LYPD5: variants seen among roughly 807,000 people sequenced by gnomAD.
LYPD5 encodes the protein ly6/PLAUR domain-containing protein 5.
LYPD5 carries 21 observed loss-of-function variants against 19.1 expected under a neutral mutation model. The ratio of observed to expected loss-of-function variants is 1.10; its 90% CI spans 0.78 to 1.58. The LOEUF is 1.58. Among genes scored for constraint, LYPD5 ranks in the 40% most tolerant of loss-of-function variants. The pLI is 0.00. For missense variants in LYPD5, 287 were observed against 329.8 expected (o/e 0.87, Z 1.00); for synonymous variants, 128 against 142.7 (o/e 0.90, Z 0.74).
At chr19:43,802,641 G>A (rs1008291315), upstream of LYPD5, among the ~76,000 whole-genome samples, 4 of 152,078 alleles carry the variant, frequency 2.6e-5, no homozygotes, top group East Asian at 7.7e-4. Flanking sequence ...TTGGTGTCTT[G>A]TTGGCCTTCT....
chr19:43,813,382 G>A (rs1183389728), intron 1 of LYPD5, among the ~76,000 whole-genome samples: 1 of 152,174 alleles, frequency 6.6e-6, no homozygotes, highest in Non-Finnish European at 1.5e-5. Flanking sequence ...ATGATTGTAA[G>A]CTTCCTGAGG....
chr19:43,799,934 C>T, intron 1 of LYPD5, 100 bp from the exon 2 acceptor site: 1 of 1,391,544 alleles, frequency 7.2e-7, no homozygotes, highest in South Asian at 1.5e-5. Flanking sequence ...GGCCTGGCCC[C>T]TCTGCTCCCA....
intron 1 of LYPD5, among the ~76,000 whole-genome samples, chr19:43,816,602 A>C (rs1032169042): frequency 2.0e-5 from 3 of 152,242 alleles, no homozygotes; most frequent in Admixed American, 2.0e-4. Flanking sequence ...AACTCCAGTA[A>C]AGATGTCACA....
intron 1 of LYPD5, among the ~76,000 whole-genome samples, chr19:43,812,402 A>G (rs1228894457): frequency 6.6e-6 from 1 of 151,686 alleles, no homozygotes; most frequent in Non-Finnish European, 1.5e-5. Context: ...CTATCCATCC[A>G]TCCAGCTATC....
Position 43,802,358 on chromosome 19 carries a change from A to T in LYPD5, c.23T>A (p.Val8Asp). The T allele has an allele frequency of 1.3e-6, 2 of 1,551,362 alleles. No individual in the cohort carries two copies. Among genetic ancestry groups the T allele is most frequent in the Non-Finnish European group, 1.7e-6 (2 of 1,146,876 alleles). The change falls in exon 1 of 5, where the codon GTC (valine) becomes GAC (aspartate). Residue 8 changes from valine to aspartate, a missense_variant. By Grantham distance (152) the Val-to-Asp change is radical. Coordinates refer to ENST00000377950, the MANE Select transcript of LYPD5 (RefSeq NM_001031749.3). MAMGVPR[V>D]ILLCLFGAAL... The stretch of plus-strand genomic sequence containing the variant: ...AGCCCCAAAGAGGCAGAGCAGAATG[A>T]CTCTGGGGACCCCCATTGCCATTGC...
chr19:43,816,531 C>G (rs1970377461), intron 1 of LYPD5, among the ~76,000 whole-genome samples: 1 of 152,160 alleles, frequency 6.6e-6, no homozygotes, highest in African/African-American at 2.4e-5. Context: ...TGTCAGAGAT[C>G]AAGTAAAATA....
upstream of LYPD5, among the ~76,000 whole-genome samples, chr19:43,804,608 C>T (rs1970255449): frequency 2.6e-5 from 4 of 152,236 alleles, no homozygotes; most frequent in Admixed American, 1.3e-4. Context: ...TGGACACTCA[C>T]CAAACTATGT....
upstream of LYPD5, among the ~76,000 whole-genome samples, chr19:43,804,247 A>G (rs1377661121): frequency 2.6e-5 from 4 of 152,082 alleles, no homozygotes; most frequent in Non-Finnish European, 5.9e-5. Flanking sequence ...GAAATCATCA[A>G]GGGAGATAGC....
chr19:43,817,634 T>C (rs954672559), intron 1 of LYPD5, among the ~76,000 whole-genome samples: 1 of 152,180 alleles, frequency 6.6e-6, no homozygotes, highest in Admixed American at 6.5e-5. Flanking sequence ...ATTTTGATGA[T>C]GATGCAATCT....
chr19:43,799,811 TGTA>T lies in LYPD5; in HGVS notation c.85_87del (p.Tyr29del), dbSNP rs1970198881. 1 of 1,613,168 alleles carries T rather than the reference TGTA, an allele frequency of 6.2e-7. No individual in the cohort carries two copies. The highest frequency in any genetic ancestry group is 8.5e-7 in the Non-Finnish European group (1 of 1,179,700). On this transcript the variant is annotated inframe_deletion, in exon 2 of 5. Coordinates refer to ENST00000377950, the MANE Select transcript of LYPD5 (RefSeq NM_001031749.3). Reference sequence around the variant, plus strand: ...GGGCCAAAGTAGGTGTGCTCAAAGCTGTAGCACTGCAGGGCTTGGGACCCTGGG... The same window carrying T: ...GGGCCAAAGTAGGTGTGCTCAAAGCTGCACTGCAGGGCTTGGGACCCTGGG...
At chr19:43,801,869 T>C (rs1383491276) in intron 1 of LYPD5, among the ~76,000 whole-genome samples, 1 of 152,206 alleles carries the variant, frequency 6.6e-6, no homozygotes, top group Non-Finnish European at 1.5e-5. Flanking sequence ...ATGAGTTATG[T>C]TCCTGTCCTA....
upstream of LYPD5, among the ~76,000 whole-genome samples, chr19:43,805,815 T>C (rs971316927): frequency 1.3e-5 from 2 of 152,192 alleles, no homozygotes; most frequent in African/African-American, 2.4e-5. Flanking sequence ...GCCTCTTTTG[T>C]TGTTTTCACA....
At position 43,799,136 on chromosome 19, in the gene LYPD5, T is replaced by TC. The variant is rs568156396; in HGVS notation, c.194-149dup. The TC allele has an allele frequency of 6.7e-4, 531 of 786,860 alleles. 4 individuals carry two copies. In the East Asian group the frequency reaches 0.011, roughly 16 times the overall value. 48.7% of individuals were successfully genotyped at this position (786,860 alleles called of 1,614,324 possible). A position where few individuals can be genotyped will look rare whatever the true frequency, so the allele number is the denominator to read the frequency against. ...TCCTTCCTCTCACCCCCAGACCTTT[T>TC]CCCCCGAGTTCTTCTCTTCCTCCAC... is the stretch of plus-strand genomic sequence containing the variant. On this transcript the variant is annotated intron_variant, in intron 2 of 4. Coordinates refer to ENST00000377950, the MANE Select transcript of LYPD5 (RefSeq NM_001031749.3).
At chr19:43,799,120 T>A in intron 2 of LYPD5, 132 bp from the exon 3 acceptor site, 1 of 579,308 alleles carries the variant, frequency 1.7e-6, no homozygotes, top group Non-Finnish European at 2.5e-6. Context: ...CTCCTTCCTC[T>A]CACCCCCAGA....
intron 1 of LYPD5, chr19:43,815,750 AT>A: frequency 2.4e-6 from 1 of 419,734 alleles, no homozygotes; most frequent in Non-Finnish European, 4.7e-6. Flanking sequence ...ATTTTATTTT[AT>A]TTTTGAGACG....
chr19:43,818,541 T>G (rs1294545760), intron 1 of LYPD5, among the ~76,000 whole-genome samples: 1 of 152,240 alleles, frequency 6.6e-6, no homozygotes, highest in African/African-American at 2.4e-5. Flanking sequence ...CCAGGTCGCG[T>G]GTGAATAGTT....
chr19:43,806,620 C>T (rs966162040), upstream of LYPD5, among the ~76,000 whole-genome samples: 1 of 151,980 alleles, frequency 6.6e-6, no homozygotes, highest in Non-Finnish European at 1.5e-5. Context: ...GAGATCACAC[C>T]ACTGCAGTCC....
At chr19:43,815,876 T>A (rs1970368710) in intron 1 of LYPD5, 1 of 199,728 alleles carries the variant, frequency 5.0e-6, no homozygotes, top group African/African-American at 2.4e-5. Flanking sequence ...TAGCTGGGAC[T>A]ACAGGTGTGC....
Position 43,797,397 on chromosome 19 carries a change from G to A in LYPD5, c.*194C>T. On this transcript the variant is annotated 3_prime_UTR_variant, in exon 5 of 5. Transcript: ENST00000377950. ...TGGCTGTTTTGCCCTCCCCGGGGAT[G>A]CTGGTGACTGTGTCCAGTTTCTTCC... The A allele has an allele frequency of 1.7e-6, 1 of 572,630 alleles. No individual in the cohort carries two copies. Among genetic ancestry groups the A allele is most frequent in the Non-Finnish European group, 3.1e-6 (1 of 324,676 alleles). 35.5% of individuals were successfully genotyped at this position (572,630 alleles called of 1,614,324 possible).
Sources: gnomAD v4.1 joint callset for allele counts (sites outside exome capture counted in the v4.1 genomes callset) on GRCh38, gnomAD v4.1.1 for gene constraint, MANE v1.5 for transcripts, NCBI Gene and HGNC (gene_info 2026-07-23, HGNC 2026-07-21) for gene names.